Variants in SCD5 observed in about 807,000 individuals in gnomAD.
The protein encoded by SCD5 is acyl-CoA-desaturase 4.
A neutral mutation model predicts 30.4 loss-of-function variants in SCD5; 20 were observed. The observed-to-expected ratio is 0.66, with a 90% CI of 0.46 to 0.96. The LOEUF is 0.96. Among genes scored for constraint, SCD5 ranks in the 40% least tolerant of loss-of-function variants. SCD5 has a pLI of 0.00. For missense variants in SCD5, 381 were observed against 443.3 expected (o/e 0.86, Z 1.26); for synonymous variants, 173 against 176.4 (o/e 0.98, Z 0.16).
chr4:82,773,979 C>T (rs1721684257), intron 1 of SCD5, among the ~76,000 whole-genome samples: 1 of 151,692 alleles, frequency 6.6e-6, no homozygotes, highest in Non-Finnish European at 1.5e-5. Context: ...ATCCCAGCTA[C>T]TCGGGAGGCT....
intron 2 of SCD5, among the ~76,000 whole-genome samples, chr4:82,701,555 G>C (rs1298687960): frequency 1.3e-5 from 2 of 152,060 alleles, no homozygotes; most frequent in East Asian, 3.9e-4. Flanking sequence ...TCATGCTGTA[G>C]GACAGCACAT....
At chr4:82,672,741 T>C (rs1728355402) in intron 3 of SCD5, among the ~76,000 whole-genome samples, 1 of 152,086 alleles carries the variant, frequency 6.6e-6, no homozygotes, top group African/African-American at 2.4e-5. Context: ...ACAAAGATAT[T>C]ATAAGAAAAC....
chr4:82,777,136 T>A (rs930459030), intron 1 of SCD5, among the ~76,000 whole-genome samples: 1 of 152,194 alleles, frequency 6.6e-6, no homozygotes, highest in African/African-American at 2.4e-5. Context: ...TCTGAGCACC[T>A]TAATTAATTA....
At chr4:82,721,435 C>A (rs1158474159) in intron 1 of SCD5, among the ~76,000 whole-genome samples, 1 of 152,080 alleles carries the variant, frequency 6.6e-6, no homozygotes, top group Non-Finnish European at 1.5e-5. Flanking sequence ...ACAATTGTGT[C>A]CCCCCAAAAT....
chr4:82,707,592 C>T lies in SCD5; in HGVS notation c.233-2179G>A, dbSNP rs983283431. 2.1e-4 allele frequency among the ~76,000 whole-genome samples: 32 copies of T among 152,234 alleles called. 1 individual carries two copies. Among genetic ancestry groups the T allele is most frequent in the Admixed American group, 2.0e-4 (3 of 15,288 alleles). ...ACAAAAGATTGTGACTTCTGTTTTG[C>T]TAGCAGATTCTCTCTTGAGCTGGCT... On this transcript the variant is annotated intron_variant, in intron 1 of 4. Transcript: ENST00000319540.
intron 1 of SCD5, among the ~76,000 whole-genome samples, chr4:82,749,235 G>A (rs1160162703): frequency 2.0e-5 from 3 of 152,180 alleles, no homozygotes; most frequent in East Asian, 3.9e-4. Context: ...GGAGATATAT[G>A]GAGGGTGTAA....
At chr4:82,763,426 A>T (rs1220428584) in intron 1 of SCD5, among the ~76,000 whole-genome samples, 1 of 152,140 alleles carries the variant, frequency 6.6e-6, no homozygotes, top group African/African-American at 2.4e-5. Context: ...CAGGAGAATC[A>T]CTTGAATCCG....
chr4:82,679,842 T>G (rs1728530875), intron 3 of SCD5, among the ~76,000 whole-genome samples: 1 of 152,220 alleles, frequency 6.6e-6, no homozygotes, highest in East Asian at 1.9e-4. Context: ...ATTTTCAGTC[T>G]GAAAAGGAGA....
At chr4:82,654,531 C>T (rs770084018) in intron 3 of SCD5, among the ~76,000 whole-genome samples, 4 of 151,938 alleles carry the variant, frequency 2.6e-5, no homozygotes, top group Admixed American at 6.5e-5. Flanking sequence ...TTTTTGAAGG[C>T]GTGAAAGCAT....
intron 1 of SCD5, among the ~76,000 whole-genome samples, chr4:82,751,363 G>C (rs1010821089): frequency 4.6e-5 from 7 of 152,148 alleles, no homozygotes; most frequent in African/African-American, 1.4e-4. Flanking sequence ...ACCCGGCTAA[G>C]AGAAGAGGAG....
chr4:82,660,446 AT>A (rs1727971085), intron 3 of SCD5: 5 of 750,154 alleles, frequency 6.7e-6, no homozygotes, highest in Non-Finnish European at 7.4e-6. Context: ...TACAAAAATA[AT>A]CAACGTGTAC....
chr4:82,712,297 T>TATACATATATATATATATATATACG (rs1560540874), intron 1 of SCD5, among the ~76,000 whole-genome samples: 1 of 33,750 alleles, frequency 3.0e-5, no homozygotes. Flanking sequence ...TATATATATA[T>TATACATATATATATATATATATACG]TTTATTTTTA....
At chr4:82,632,102 T>C (rs1389793458) in intron 4 of SCD5, among the ~76,000 whole-genome samples, 3 of 152,088 alleles carry the variant, frequency 2.0e-5, no homozygotes, top group South Asian at 4.2e-4. Flanking sequence ...TTGTTACATA[T>C]GTATACATGT....
chr4:82,720,548 A>G (rs1720349834), intron 1 of SCD5, among the ~76,000 whole-genome samples: 1 of 151,906 alleles, frequency 6.6e-6, no homozygotes, highest in African/African-American at 2.4e-5. Context: ...TCTTTTCAGA[A>G]ATTAATAATT....
chr4:82,747,023 A>AG (rs1267038734), intron 1 of SCD5, among the ~76,000 whole-genome samples: 2 of 141,566 alleles, frequency 1.4e-5, no homozygotes, highest in African/African-American at 5.5e-5. Flanking sequence ...ACAGGCACCA[A>AG]GGGGAGTTCG....
At chr4:82,691,018 GTTTGT>G (rs763465329) in intron 2 of SCD5, among the ~76,000 whole-genome samples, 2 of 149,718 alleles carry the variant, frequency 1.3e-5, no homozygotes, top group African/African-American at 4.9e-5. Flanking sequence ...TTTTTTGTTT[GTTTGT>G]TTTGTTTTGT....
intron 1 of SCD5, among the ~76,000 whole-genome samples, chr4:82,780,046 T>C (rs927806214): frequency 7.9e-5 from 12 of 152,246 alleles, no homozygotes; most frequent in Non-Finnish European, 1.8e-4. Context: ...AGAGTTACTA[T>C]GTGGATTAAA....
intron 1 of SCD5, among the ~76,000 whole-genome samples, chr4:82,736,349 CT>C (rs1398990194): frequency 6.6e-6 from 1 of 151,982 alleles, no homozygotes; most frequent in Non-Finnish European, 1.5e-5. Context: ...TGGCTCACAT[CT>C]GTAATCCCAG....
chr4:82,763,544 A>C (rs920858927), intron 1 of SCD5, among the ~76,000 whole-genome samples: 1 of 152,212 alleles, frequency 6.6e-6, no homozygotes, highest in Admixed American at 6.5e-5. Context: ...TTAGGTGTTA[A>C]GGTGGACTGT....
Sources: gnomAD v4.1 joint callset for allele counts (sites outside exome capture counted in the v4.1 genomes callset) on GRCh38, gnomAD v4.1.1 for gene constraint, MANE v1.5 for transcripts, NCBI Gene and HGNC (gene_info 2026-07-23, HGNC 2026-07-21) for gene names.